Variants in ELMO1 observed in about 807,000 individuals in gnomAD.
ELMO1 encodes engulfment and cell motility protein 1.
In ELMO1, 26 loss-of-function variants were observed where a neutral mutation model predicts 98.9. The ratio of observed to expected loss-of-function variants is 0.26; its 90% confidence interval spans 0.19 to 0.36. The LOEUF is 0.36. Among genes scored for constraint, ELMO1 ranks in the 10% least tolerant of loss-of-function variants. The pLI is 1.00. For synonymous variants in ELMO1, 346 were observed against 346.0 expected (o/e 1.00, Z 0.00); for missense variants, 627 against 935.2 (o/e 0.67, Z 4.30).
intron 4 of ELMO1, among the ~76,000 whole-genome samples, chr7:37,292,027 C>T (rs1430721336): frequency 5.5e-5 from 7 of 127,104 alleles, no homozygotes; most frequent in Non-Finnish European, 1.1e-4. Flanking sequence ...GCTGCCATCT[C>T]GGCTCACTGC....
chr7:37,000,761 C>T (rs17170826), intron 16 of ELMO1, among the ~76,000 whole-genome samples: 2,044 of 152,182 alleles, frequency 0.013, 44 homozygotes, highest in East Asian at 0.07. Flanking sequence ...TGGGAAAGAA[C>T]AAGCGCCATT....
chr7:37,421,791 T>C (rs568253828), intron 1 of ELMO1, among the ~76,000 whole-genome samples: 3 of 152,346 alleles, frequency 2.0e-5, no homozygotes, highest in African/African-American at 7.2e-5. Flanking sequence ...CCATGCATTA[T>C]AGACTTCGGC....
intron 13 of ELMO1, among the ~76,000 whole-genome samples, chr7:37,179,549 T>TG (rs1437940272): frequency 6.6e-6 from 1 of 152,132 alleles, no homozygotes; most frequent in African/African-American, 2.4e-5. Flanking sequence ...AGTGCTGGGA[T>TG]TACAGGCGTG....
intron 13 of ELMO1, among the ~76,000 whole-genome samples, chr7:37,181,685 A>G (rs1251709077): frequency 6.6e-6 from 1 of 152,220 alleles, no homozygotes; most frequent in East Asian, 1.9e-4. Flanking sequence ...ACAGATGAGT[A>G]TGTGATGCTC....
chr7:36,899,700 T>TTTTTTTTTTTTTTTA (rs60221089), intron 16 of ELMO1, among the ~76,000 whole-genome samples: 3 of 143,658 alleles, frequency 2.1e-5, no homozygotes, highest in African/African-American at 7.9e-5. Context: ...TTTTTTTTTT[T>TTTTTTTTTTTTTTTA]ACCACTCCTA....
chr7:37,290,136 T>A (rs772220538), intron 4 of ELMO1, among the ~76,000 whole-genome samples: 1 of 152,244 alleles, frequency 6.6e-6, no homozygotes, highest in Admixed American at 6.5e-5. Context: ...CTGCCATGAA[T>A]GTGGCTATCC....
At chr7:37,094,002 C>T (rs1784252972) in intron 15 of ELMO1, among the ~76,000 whole-genome samples, 1 of 147,850 alleles carries the variant, frequency 6.8e-6, no homozygotes, top group African/African-American at 2.6e-5. Flanking sequence ...GCTCATTCTT[C>T]CACTTTCTGA....
chr7:37,326,964 T>A (rs1799853088), intron 2 of ELMO1, among the ~76,000 whole-genome samples: 1 of 152,232 alleles, frequency 6.6e-6, no homozygotes, highest in Non-Finnish European at 1.5e-5. Flanking sequence ...CTTTTGTGAT[T>A]CTCCTAGTTC....
At chr7:37,179,031 A>G (rs1790673860) in intron 13 of ELMO1, among the ~76,000 whole-genome samples, 1 of 152,206 alleles carries the variant, frequency 6.6e-6, no homozygotes, top group Non-Finnish European at 1.5e-5. Context: ...TGGTTTTGAT[A>G]AATATACTTT....
chr7:36,983,965 AT>A (rs60966397), intron 16 of ELMO1, among the ~76,000 whole-genome samples: 22,970 of 143,420 alleles, frequency 0.16, 2,183 homozygotes, highest in African/African-American at 0.3. Context: ...ACTGTTTTAG[AT>A]TTTTTTTTTT....
At chr7:36,884,683 G>C (rs1804783679) in intron 18 of ELMO1, among the ~76,000 whole-genome samples, 1 of 152,240 alleles carries the variant, frequency 6.6e-6, no homozygotes, top group Non-Finnish European at 1.5e-5. Context: ...CTGCACATGA[G>C]ACAGGCAGAA....
chr7:37,250,655 G>C (rs1344055301), intron 6 of ELMO1, among the ~76,000 whole-genome samples: 1 of 152,044 alleles, frequency 6.6e-6, no homozygotes, highest in African/African-American at 2.4e-5. Flanking sequence ...AGCCGGGTGT[G>C]GTGGCAGGTG....
At chr7:37,146,023 T>C (rs1274479105) in intron 13 of ELMO1, among the ~76,000 whole-genome samples, 1 of 152,170 alleles carries the variant, frequency 6.6e-6, no homozygotes, top group African/African-American at 2.4e-5. Flanking sequence ...CTGTCTTAGA[T>C]GCACCTGAAA....
At chr7:37,317,349 C>T (rs11973001) in intron 2 of ELMO1, among the ~76,000 whole-genome samples, 44,198 of 152,120 alleles carry the variant, frequency 0.29, 7,428 homozygotes, top group African/African-American at 0.46. Flanking sequence ...TGTCTGTCTT[C>T]GCCTACAACT....
chr7:37,208,037 T>C (rs1323953103), intron 13 of ELMO1, among the ~76,000 whole-genome samples: 1 of 152,234 alleles, frequency 6.6e-6, no homozygotes, highest in East Asian at 1.9e-4. Context: ...TGTTGTGGTT[T>C]ATTACCTTTT....
intron 16 of ELMO1, among the ~76,000 whole-genome samples, chr7:36,982,375 T>C (rs1019646634): frequency 6.6e-6 from 1 of 152,204 alleles, no homozygotes; most frequent in Non-Finnish European, 1.5e-5. Flanking sequence ...AACTTAGACA[T>C]AGCAGGTAAA....
At chr7:37,447,707 G>A (rs1430342921) in intron 1 of ELMO1, among the ~76,000 whole-genome samples, 2 of 104,302 alleles carry the variant, frequency 1.9e-5, no homozygotes, top group African/African-American at 4.1e-5. Flanking sequence ...ACGCGCGCGC[G>A]CACACACCAC....
chr7:37,437,249 A>G (rs1805189224), intron 1 of ELMO1, among the ~76,000 whole-genome samples: 1 of 152,212 alleles, frequency 6.6e-6, no homozygotes, highest in Non-Finnish European at 1.5e-5. Flanking sequence ...GGAATCAAGA[A>G]AAGGGAAAGA....
At position 37,434,238 on chromosome 7, in the gene ELMO1, C is replaced by T. The variant is rs76714853; in HGVS notation, c.-74+14437G>A. Among the ~76,000 whole-genome samples the T allele has an allele frequency of 3.4e-3, 515 of 152,112 alleles. 5 individuals are homozygous for T. In the East Asian group the frequency reaches 0.042, roughly 12 times the overall value. On this transcript the variant is annotated intron_variant, in intron 1 of 21. Coordinates refer to ENST00000310758, the MANE Select transcript of ELMO1 (RefSeq NM_014800.11). ...TGAGGTTTATAATTTTTTTTAGTCACCACTTTGTAGGATGATGCTTCTTGA... is the reference window on the plus strand; with the variant it reads ...TGAGGTTTATAATTTTTTTTAGTCATCACTTTGTAGGATGATGCTTCTTGA...
Sources: gnomAD v4.1 joint callset for allele counts (sites outside exome capture counted in the v4.1 genomes callset) on GRCh38, gnomAD v4.1.1 for gene constraint, MANE v1.5 for transcripts, NCBI Gene and HGNC (gene_info 2026-07-23, HGNC 2026-07-21) for gene names.